ASTN1: variants seen among roughly 807,000 people sequenced by gnomAD.
ASTN1 encodes astrotactin 1.
A neutral mutation model predicts 140.7 loss-of-function variants in ASTN1; 41 were observed. That is an observed-to-expected ratio of 0.29 (90% CI 0.23 to 0.38). The LOEUF is 0.38. ASTN1 is among the 10% of genes least tolerant of loss of function. The pLI is 1.00. For synonymous variants in ASTN1, 640 were observed against 652.2 expected, an observed-to-expected ratio of 0.98 and a Z score of 0.29; for missense variants, 1,479 against 1,678.8, an observed-to-expected ratio of 0.88 and a Z score of 2.08.
At chr1:176,985,844 CTACA>C (rs1558010812) in intron 8 of ASTN1, among the ~76,000 whole-genome samples, 1 of 125,470 alleles carries the variant, frequency 8.0e-6, no homozygotes. Context: ...CTCTCTCTCT[CTACA>C]CACACACACA....
chr1:176,861,499 G>T lies in ASTN1; in HGVS notation c.*2785C>A. 1 of 985,844 alleles carries T rather than the reference G, an allele frequency of 1.0e-6. No individual in the cohort carries two copies. The highest frequency in any genetic ancestry group is 1.2e-6 in the Non-Finnish European group (1 of 829,950). The allele number at this position is 985,844 out of a possible 1,614,324, so 61.1% of individuals were successfully genotyped here. A position where few individuals can be genotyped will look rare whatever the true frequency, so the allele number is the denominator to read the frequency against. ...CCATCACCCTTTCTAGCCAGGATGGGTTCCTTCAGGTAAGCATTAGGAAAA... is the reference window on the plus strand; with the variant it reads ...CCATCACCCTTTCTAGCCAGGATGGTTTCCTTCAGGTAAGCATTAGGAAAA... On this transcript the variant is annotated 3_prime_UTR_variant, in exon 23 of 23. Transcript: ENST00000361833.
Position 176,862,220 on chromosome 1 carries a change from A to C in ASTN1, c.*2064T>G, listed in dbSNP as rs1020199578. 2 of 985,468 alleles carry C rather than the reference A, an allele frequency of 2.0e-6. No homozygotes were observed. Among genetic ancestry groups the C allele is most frequent in the Non-Finnish European group, 2.4e-6 (2 of 829,954 alleles). The allele number at this position is 985,468 out of a possible 1,614,324, so 61.0% of individuals were successfully genotyped here. A position where few individuals can be genotyped will look rare whatever the true frequency, so the allele number is the denominator to read the frequency against. On this transcript the variant is annotated 3_prime_UTR_variant, in exon 23 of 23. Transcript: ENST00000361833. ...TTCTGCTGATCTTTGCTTTGAAAGT[A>C]GGGGAATCTCTGAGGCAGGTGCATT...
intron 2 of ASTN1, among the ~76,000 whole-genome samples, chr1:177,053,175 C>T (rs1677625348): frequency 6.6e-6 from 1 of 152,152 alleles, no homozygotes; most frequent in Admixed American, 6.5e-5. Flanking sequence ...CTCCTGCTTT[C>T]AAAAGGATCT....
At position 176,960,906 on chromosome 1, in the gene ASTN1, C is replaced by T. The variant is rs563696901; in HGVS notation, c.1599-2424G>A. 3.7e-4 allele frequency among the ~76,000 whole-genome samples: 57 copies of T among 152,236 alleles called. No individual in the cohort carries two copies. The South Asian group carries it at 6.0e-3, about 16-fold the overall frequency. On this transcript the variant is annotated intron_variant, in intron 9 of 22. Coordinates refer to ENST00000361833, the MANE Select transcript of ASTN1 (RefSeq NM_004319.3). ...GCTCCCCAGGGCCTTCACCCTCTAC[C>T]CTCAGGCTGAACAAGGGGCTGAGCC...
intron 8 of ASTN1, among the ~76,000 whole-genome samples, chr1:177,010,989 T>TAGC (rs751015541): frequency 4.6e-5 from 7 of 152,192 alleles, no homozygotes; most frequent in Non-Finnish European, 7.3e-5. Context: ...TCCCTCCTGC[T>TAGC]AGCGGGTCTA....
intron 1 of ASTN1, among the ~76,000 whole-genome samples, chr1:177,141,139 C>T (rs1048051175): frequency 4.6e-5 from 7 of 152,182 alleles, no homozygotes; most frequent in Non-Finnish European, 7.3e-5. Context: ...TCGCTTGAAC[C>T]TGGAAGGCGG....
chr1:176,880,052 G>C (rs1002287904), intron 20 of ASTN1, among the ~76,000 whole-genome samples: 1 of 152,222 alleles, frequency 6.6e-6, no homozygotes, highest in Non-Finnish European at 1.5e-5. Context: ...TTACTGGGCA[G>C]AAGAGATAAG....
At chr1:177,049,607 C>T (rs1216745098) in intron 2 of ASTN1, among the ~76,000 whole-genome samples, 3 of 152,172 alleles carry the variant, frequency 2.0e-5, no homozygotes, top group Non-Finnish European at 4.4e-5. Context: ...AGAAAAAGGT[C>T]CACAATCAAA....
chr1:177,018,427 G>C (rs1675663948), intron 7 of ASTN1, among the ~76,000 whole-genome samples: 1 of 152,234 alleles, frequency 6.6e-6, no homozygotes, highest in Non-Finnish European at 1.5e-5. Flanking sequence ...AAGCAAAGAA[G>C]AGGGCAGCTG....
intron 20 of ASTN1, 118 bp downstream of exon 20, chr1:176,882,741 T>G: frequency 7.1e-7 from 1 of 1,403,434 alleles, no homozygotes; most frequent in Non-Finnish European, 9.8e-7. Flanking sequence ...GGATAAGACT[T>G]CAGAGACTCA....
chr1:177,113,848 C>T (rs1209410222), intron 1 of ASTN1, among the ~76,000 whole-genome samples: 3 of 152,210 alleles, frequency 2.0e-5, no homozygotes, highest in Non-Finnish European at 4.4e-5. Context: ...GAGTCTCCCA[C>T]AGAAACCTAA....
intron 2 of ASTN1, among the ~76,000 whole-genome samples, chr1:177,054,926 T>A (rs1677725413): frequency 6.6e-6 from 1 of 152,166 alleles, no homozygotes; most frequent in Non-Finnish European, 1.5e-5. Flanking sequence ...ATCACTCAGA[T>A]CCTCAACAAC....
intron 20 of ASTN1, among the ~76,000 whole-genome samples, chr1:176,879,014 C>G (rs1350623121): frequency 2.6e-5 from 4 of 152,142 alleles, no homozygotes; most frequent in African/African-American, 4.8e-5. Flanking sequence ...GCAGACTGTG[C>G]CCTAAGCCCA....
rs961051663 is a variant in ASTN1 at position 177,028,847 on chromosome 1, T to C, written c.1120+787A>G. Among the ~76,000 whole-genome samples, 4 of 152,348 alleles carry C rather than the reference T, an allele frequency of 2.6e-5. No homozygotes were observed. The East Asian group carries it at 5.8e-4, about 22-fold the overall frequency. ...TAACTCATTTGACATGTGAGTAAACTGAAGGTCAGAGAACTTGTTGTTCTT... is the reference window on the plus strand; with the variant it reads ...TAACTCATTTGACATGTGAGTAAACCGAAGGTCAGAGAACTTGTTGTTCTT... On this transcript the variant is annotated intron_variant, in intron 5 of 22. Transcript: ENST00000361833.
At chr1:176,999,741 T>C (rs754519142) in intron 8 of ASTN1, among the ~76,000 whole-genome samples, 11 of 152,024 alleles carry the variant, frequency 7.2e-5, no homozygotes, top group Non-Finnish European at 1.3e-4. Flanking sequence ...AATTGAATCA[T>C]GGGGGCAGTT....
chr1:177,105,635 G>T (rs977908330), intron 1 of ASTN1, among the ~76,000 whole-genome samples: 6 of 149,076 alleles, frequency 4.0e-5, no homozygotes, highest in African/African-American at 1.5e-4. Context: ...GAGACAATAT[G>T]GCTTCATGGA....
At position 177,024,703 on chromosome 1, in the gene ASTN1, T is replaced by A. The variant is rs1676013774; in HGVS notation, c.1150A>T (p.Thr384Ser). The change falls in exon 6 of 23, where the codon ACC (threonine) becomes TCC (serine). Residue 384 changes from threonine (T) to serine (S), a missense_variant. Coordinates refer to ENST00000361833, the MANE Select transcript of ASTN1 (RefSeq NM_004319.3). ...GTGATGCTGATCAGGGTCAAGGTGG[T>A]CTTATTCACAGGACTTCGGGGAGAA... ...VGSPRSPVNK[T>S]TLTLISITSC... The A allele has an allele frequency of 1.9e-6, 3 of 1,613,768 alleles. No homozygotes were observed. Among genetic ancestry groups the A allele is most frequent in the Non-Finnish European group, 2.5e-6 (3 of 1,179,912 alleles).
At chr1:177,136,135 C>T (rs903412680) in intron 1 of ASTN1, among the ~76,000 whole-genome samples, 3 of 152,168 alleles carry the variant, frequency 2.0e-5, no homozygotes, top group African/African-American at 7.2e-5. Context: ...TCTTTGTTTT[C>T]ACTCACAGTA....
At chr1:177,150,925 A>G (rs1683004407) in intron 1 of ASTN1, among the ~76,000 whole-genome samples, 1 of 152,162 alleles carries the variant, frequency 6.6e-6, no homozygotes, top group African/African-American at 2.4e-5. Flanking sequence ...CAGAGACCAT[A>G]TGGTCTAAAA....
Sources: gnomAD v4.1 joint callset for allele counts (sites outside exome capture counted in the v4.1 genomes callset) on GRCh38, gnomAD v4.1.1 for gene constraint, MANE v1.5 for transcripts, NCBI Gene and HGNC (gene_info 2026-07-23, HGNC 2026-07-21) for gene names.